PDE4D: variants seen among roughly 807,000 people sequenced by gnomAD.
The protein encoded by PDE4D is 3',5'-cyclic-AMP phosphodiesterase 4D.
Under a neutral mutation model 87.4 loss-of-function variants are expected in PDE4D, and 24 were observed. That is an observed-to-expected ratio of 0.27 (90% CI 0.20 to 0.39). The LOEUF (loss-of-function observed/expected upper bound fraction) is 0.39. Among genes scored for constraint, PDE4D ranks in the 10% least tolerant of loss-of-function variants. The pLI is 1.00. For synonymous variants in PDE4D, 384 were observed against 383.2 expected (o/e 1.00, Z -0.02); for missense variants, 714 against 1,041.0 (o/e 0.69, Z 4.32).
chr5:59,979,948 G>A (rs1201459841), intron 3 of PDE4D, among the ~76,000 whole-genome samples: 2 of 151,772 alleles, frequency 1.3e-5, no homozygotes, highest in Admixed American at 6.6e-5. Context: ...CTCATTTGTA[G>A]AGAAAAAAAG....
intron 1 of PDE4D, among the ~76,000 whole-genome samples, chr5:60,483,271 C>T (rs1265925185): frequency 2.0e-5 from 3 of 152,126 alleles, no homozygotes; most frequent in Non-Finnish European, 4.4e-5. Context: ...TTAAGTGATC[C>T]TCCCACCTCA....
chr5:60,173,547 G>A (rs1305044291), intron 2 of PDE4D, among the ~76,000 whole-genome samples: 1 of 151,702 alleles, frequency 6.6e-6, no homozygotes, highest in African/African-American at 2.4e-5. Context: ...AATGATGGCT[G>A]TAACAGAAAT....
Position 59,118,436 on chromosome 5 carries a change from G to C in PDE4D, c.808+62159C>G, listed in dbSNP as rs139381975. On this transcript the variant is annotated intron_variant, in intron 5 of 14. Transcript: ENST00000340635. Reference sequence around the variant, plus strand: ...TGGCTGAGGTCCCCAGCATATAGAAGGTACTCCAATAAATATTTATTCATA... The same window carrying C: ...TGGCTGAGGTCCCCAGCATATAGAACGTACTCCAATAAATATTTATTCATA... 2.0e-3 allele frequency among the ~76,000 whole-genome samples: 302 copies of C among 152,124 alleles called. 1 individual carries two copies. The highest frequency in any genetic ancestry group is 7.0e-3 in the African/African-American group (292 of 41,498).
intron 2 of PDE4D, among the ~76,000 whole-genome samples, chr5:60,156,299 C>T (rs892796310): frequency 1.3e-5 from 2 of 152,132 alleles, no homozygotes; most frequent in Admixed American, 6.6e-5. Flanking sequence ...TTCACTAGTC[C>T]TAAAGGAGGA....
At chr5:59,361,240 A>T (rs771625156) in intron 1 of PDE4D, among the ~76,000 whole-genome samples, 1 of 152,188 alleles carries the variant, frequency 6.6e-6, no homozygotes, top group Non-Finnish European at 1.5e-5. Context: ...TTTATTGAAT[A>T]TCTACTAAAT....
chr5:59,024,657 G>A (rs1755870772), intron 6 of PDE4D, among the ~76,000 whole-genome samples: 1 of 151,736 alleles, frequency 6.6e-6, no homozygotes, highest in South Asian at 2.1e-4. Context: ...TAAGATTTAG[G>A]CCCAAACATT....
At chr5:60,098,990 T>C (rs1775972082) in intron 2 of PDE4D, among the ~76,000 whole-genome samples, 1 of 152,062 alleles carries the variant, frequency 6.6e-6, no homozygotes, top group African/African-American at 2.4e-5. Flanking sequence ...GCAGGTCTAG[T>C]GGAAATAAAC....
Position 59,842,424 on chromosome 5 carries a change from T to C in PDE4D, c.455+50744A>G, listed in dbSNP as rs144144679. 1.2e-3 allele frequency among the ~76,000 whole-genome samples: 184 copies of C among 152,112 alleles called. 2 individuals are homozygous for C. Among genetic ancestry groups the C allele is most frequent in the African/African-American group, 4.1e-3 (171 of 41,528 alleles). ...TGCCCTAGAAAAAGTACCAATGAAA[T>C]AAAACGTGAAGTGATTTGAGCACCA... On this transcript the variant is annotated intron_variant, in intron 1 of 14. Transcript: ENST00000340635.
chr5:59,871,691 T>C (rs557461541), intron 1 of PDE4D, among the ~76,000 whole-genome samples: 3 of 152,186 alleles, frequency 2.0e-5, no homozygotes, highest in East Asian at 1.9e-4. Context: ...CCATACACAC[T>C]GAAATTTGCC....
intron 2 of PDE4D, among the ~76,000 whole-genome samples, chr5:60,126,450 C>A (rs1397291634): frequency 6.6e-6 from 1 of 151,898 alleles, no homozygotes; most frequent in Non-Finnish European, 1.5e-5. Flanking sequence ...ACCACTTCTA[C>A]CAAATCTTTG....
At chr5:59,729,900 A>G (rs1757137761) in intron 1 of PDE4D, among the ~76,000 whole-genome samples, 1 of 152,090 alleles carries the variant, frequency 6.6e-6, no homozygotes, top group African/African-American at 2.4e-5. Context: ...AAAGTCAGAC[A>G]CCTTAAAAAT....
intron 1 of PDE4D, among the ~76,000 whole-genome samples, chr5:59,892,498 C>T (rs1438630054): frequency 6.6e-6 from 1 of 152,166 alleles, no homozygotes; most frequent in Non-Finnish European, 1.5e-5. Context: ...CTCCTTCTCC[C>T]TCCCTCACCC....
chr5:59,411,317 C>T (rs544497142), intron 1 of PDE4D, among the ~76,000 whole-genome samples: 6 of 152,318 alleles, frequency 3.9e-5, no homozygotes, highest in East Asian at 1.9e-4. Context: ...TGTTTCTTCT[C>T]GTCACCCTTT....
chr5:60,097,265 T>TTGTGTGTGTGTGTGTGTGTGTGTGTGTG (rs57591657), intron 2 of PDE4D, among the ~76,000 whole-genome samples: 4,992 of 146,302 alleles, frequency 0.034, 118 homozygotes, highest in Middle Eastern at 0.081. Context: ...TGCTATGAAG[T>TTGTGTGTGTGTGTGTGTGTGTGTGTGTG]TGTGTGTGTG....
rs531644630 is a variant in PDE4D, at chr5:59,216,496, T to A, written c.456-528A>T. Among the ~76,000 whole-genome samples the A allele has an allele frequency of 3.3e-5, 5 of 152,248 alleles. No individual in the cohort carries two copies. In the East Asian group the frequency reaches 5.8e-4, roughly 18 times the overall value. ...CCATCAAATTTCACCTATATTATTA[T>A]AACAACCTTTATATTAGTGTCTTGA... On this transcript the variant is annotated intron_variant, in intron 1 of 14. Transcript: ENST00000340635.
At chr5:60,405,164 G>A (rs1014576147) in intron 1 of PDE4D, among the ~76,000 whole-genome samples, 1 of 152,208 alleles carries the variant, frequency 6.6e-6, no homozygotes, top group Non-Finnish European at 1.5e-5. Context: ...AATGCCAAGA[G>A]TAAGGTGAAA....
At chr5:59,721,494 A>G (rs986110500) in intron 1 of PDE4D, among the ~76,000 whole-genome samples, 4 of 152,114 alleles carry the variant, frequency 2.6e-5, no homozygotes, top group Non-Finnish European at 5.9e-5. Context: ...ATATTATCTC[A>G]TTTCATTCAA....
At chr5:59,403,186 TA>T (rs1790999349) in intron 1 of PDE4D, among the ~76,000 whole-genome samples, 1 of 147,000 alleles carries the variant, frequency 6.8e-6, no homozygotes, top group Admixed American at 6.8e-5. Flanking sequence ...GATAGATAGA[TA>T]GATTGATTGA....
At chr5:59,268,153 C>T (rs956655757) in intron 1 of PDE4D, among the ~76,000 whole-genome samples, 3 of 152,076 alleles carry the variant, frequency 2.0e-5, no homozygotes. Flanking sequence ...TTCTGAAGAG[C>T]AGTTCACCCT....
Sources: allele counts gnomAD v4.1 joint callset (sites outside exome capture counted in the v4.1 genomes callset), GRCh38; gene constraint gnomAD v4.1.1; transcripts MANE v1.5; gene names NCBI Gene and HGNC (gene_info 2026-07-23, HGNC 2026-07-21).